Variants in CAPNS1 observed in about 807,000 individuals in gnomAD.
The protein encoded by CAPNS1 is calpain small subunit 1.
In CAPNS1, 32 loss-of-function variants were observed where a neutral mutation model predicts 39.2. The ratio of observed to expected loss-of-function variants is 0.82; its 90% CI spans 0.62 to 1.10. The LOEUF (loss-of-function observed/expected upper bound fraction) is 1.10. Among genes scored for constraint, CAPNS1 ranks in the 50% least tolerant of loss-of-function variants. CAPNS1 has a pLI of 0.00. For missense variants in CAPNS1, 353 were observed against 373.1 expected (o/e 0.95, Z 0.44); for synonymous variants, 153 against 136.2 (o/e 1.12, Z -0.86).
rs913193741 is a variant in CAPNS1 at position 36,141,160 on chromosome 19, G to T, written c.149G>T (p.Gly50Val). Residue 50 changes from glycine (G) to valine (V), a missense_variant, in exon 2 of 11, where the codon GGA (glycine) becomes GTA (valine). Transcript: ENST00000246533. Reference sequence around the variant, plus strand: ...GGCGGCGGCGGCGGCGGCGGTGGTGGAGGCGGCGGTGGCGGTGGAACGGCC... The same window carrying T: ...GGCGGCGGCGGCGGCGGCGGTGGTGTAGGCGGCGGTGGCGGTGGAACGGCC... ...GGGGGGGGGG[G>V]GGGGGGTAMR... 12 of 1,402,332 alleles carry T rather than the reference G, an allele frequency of 8.6e-6. No homozygotes were observed. Among genetic ancestry groups the T allele is most frequent in the African/African-American group, 1.5e-5 (1 of 65,648 alleles). 86.9% of individuals were successfully genotyped at this position (1,402,332 alleles called of 1,614,324 possible). A position where few individuals can be genotyped will look rare whatever the true frequency, so the allele number is the denominator to read the frequency against.
chr19:36,147,495 G>T, intron 9 of CAPNS1, among the ~76,000 whole-genome samples: 1 of 152,092 alleles, frequency 6.6e-6, no homozygotes, highest in East Asian at 1.9e-4. Flanking sequence ...GGCTGGGCAC[G>T]GTGGCTCACG....
At chr19:36,142,776 C>T (rs748144226) in intron 4 of CAPNS1, 35 bp downstream of exon 4, 9 of 1,595,580 alleles carry the variant, frequency 5.6e-6, no homozygotes, top group South Asian at 1.1e-5. Flanking sequence ...CCGTCCTAAC[C>T]GTTCCATCCC....
intron 9 of CAPNS1, among the ~76,000 whole-genome samples, chr19:36,146,755 G>A (rs1473099869): frequency 6.6e-6 from 1 of 152,218 alleles, no homozygotes; most frequent in Non-Finnish European, 1.5e-5. Context: ...TGAGAAGGTA[G>A]GGAATACTGT....
intron 9 of CAPNS1, among the ~76,000 whole-genome samples, chr19:36,149,022 G>C (rs1315118513): frequency 6.6e-6 from 1 of 152,156 alleles, no homozygotes; most frequent in South Asian, 2.1e-4. Context: ...CCTCCCTCTA[G>C]TAGCCTGTTA....
chr19:36,142,792 T>C, intron 4 of CAPNS1, 51 bp downstream of exon 4: 1 of 1,586,830 alleles, frequency 6.3e-7, no homozygotes, highest in African/African-American at 1.3e-5. Flanking sequence ...ATCCCTTCCC[T>C]TGTGGCTGCC....
At chr19:36,146,687 A>G (rs1044865417) in intron 9 of CAPNS1, among the ~76,000 whole-genome samples, 1 of 152,192 alleles carries the variant, frequency 6.6e-6, no homozygotes, top group Admixed American at 6.5e-5. Flanking sequence ...CCAAGGGGTC[A>G]GGGAGGGCTC....
intron 2 of CAPNS1, 54 bp downstream of exon 2, chr19:36,141,274 G>A: frequency 6.8e-7 from 1 of 1,480,462 alleles, no homozygotes; most frequent in Non-Finnish European, 8.9e-7. Flanking sequence ...GAGCCTCAGT[G>A]AGGCGTGGTC....
chr19:36,140,768 C>A, intron 1 of CAPNS1: 1 of 501,322 alleles, frequency 2.0e-6, no homozygotes, highest in Non-Finnish European at 3.4e-6. Context: ...ACGCGTGCAC[C>A]CAGTCCAGGC....
At chr19:36,144,648 T>C (rs752988804) in intron 6 of CAPNS1, among the ~76,000 whole-genome samples, 1 of 152,220 alleles carries the variant, frequency 6.6e-6, no homozygotes, top group Non-Finnish European at 1.5e-5. Context: ...CCTCCCAAAG[T>C]GTTGGGATTA....
In CAPNS1 at chr19:36,149,558, C is replaced by T; in HGVS notation, c.722-20C>T. The T allele has an allele frequency of 4.1e-6, 6 of 1,457,434 alleles. No homozygotes were observed. Among genetic ancestry groups the T allele is most frequent in the Non-Finnish European group, 5.4e-6 (6 of 1,101,458 alleles). The allele number at this position is 1,457,434 out of a possible 1,614,324, so 90.3% of individuals were successfully genotyped here. On this transcript the variant is annotated intron_variant, in intron 9 of 10. Coordinates refer to ENST00000246533, the MANE Select transcript of CAPNS1 (RefSeq NM_001749.4). ...TCTCCTTCCTTCCCTGCCGCCAAAC[C>T]TCTGCATCTCCTCCTCCAGGTGCCT...
At chr19:36,143,418 A>G (rs931344025) in intron 6 of CAPNS1, among the ~76,000 whole-genome samples, 3 of 152,044 alleles carry the variant, frequency 2.0e-5, no homozygotes, top group African/African-American at 7.2e-5. Context: ...TGAAAGAAGC[A>G]GTCATTTGTC....
chr19:36,146,150 G>T (rs750436543), intron 8 of CAPNS1, 46 bp from the exon 9 acceptor site: 1 of 1,579,136 alleles, frequency 6.3e-7, no homozygotes, highest in Non-Finnish European at 8.7e-7. Flanking sequence ...ATGGGAGTGG[G>T]TTGGGCCATG....
intron 1 of CAPNS1, 168 bp from the exon 2 acceptor site, chr19:36,140,829 A>G: frequency 1.0e-6 from 1 of 966,220 alleles, no homozygotes; most frequent in African/African-American, 1.7e-5. Flanking sequence ...TGCAAACCTG[A>G]TCCCCCATAC....
chr19:36,142,824 A>G lies in CAPNS1; in HGVS notation c.333+83A>G, dbSNP rs1974428264. On this transcript the variant is annotated intron_variant, in intron 4 of 10. Coordinates refer to ENST00000246533, the MANE Select transcript of CAPNS1 (RefSeq NM_001749.4). ...TGCCCTTGCACACACACCCTTGACC[A>G]TGACAATCCCAGTGTTCCCATTCTC... 4 of 1,587,920 alleles carry G rather than the reference A, an allele frequency of 2.5e-6. No individual in the cohort carries two copies. The African/African-American group carries it at 4.0e-5, about 16-fold the overall frequency.
Position 36,141,135 on chromosome 19 carries a change from G to T in CAPNS1, c.124G>T (p.Gly42Cys). ...LISGAGGGGGGGGGGGGGGGG... is the reference protein window; with the variant it reads ...LISGAGGGGGCGGGGGGGGGG... ...CAGCGGGGCCGGGGGCGGCGGCGGCGGCGGCGGCGGCGGCGGCGGTGGTGG... is the reference window on the plus strand; with the variant it reads ...CAGCGGGGCCGGGGGCGGCGGCGGCTGCGGCGGCGGCGGCGGCGGTGGTGG... Residue 42 changes from glycine (G) to cysteine (C), a missense_variant, in exon 2 of 11, where the codon GGC becomes TGC. Physicochemically the swap from Gly to Cys is radical, Grantham distance 159 (BLOSUM62 -3). Coordinates refer to ENST00000246533, the MANE Select transcript of CAPNS1 (RefSeq NM_001749.4). 7.2e-7 allele frequency: 1 copy of T among 1,384,994 alleles called. No individual in the cohort carries two copies. Among genetic ancestry groups the T allele is most frequent in the Non-Finnish European group, 9.3e-7 (1 of 1,073,170 alleles). The allele number at this position is 1,384,994 out of a possible 1,614,324, so 85.8% of individuals were successfully genotyped here. A position where few individuals can be genotyped will look rare whatever the true frequency, so the allele number is the denominator to read the frequency against.
rs1157609067 is a variant in CAPNS1 at position 36,142,751 on chromosome 19, C to G, written c.333+10C>G. The G allele has an allele frequency of 3.1e-6, 5 of 1,611,792 alleles. No individual in the cohort carries two copies. The highest frequency in any genetic ancestry group is 1.7e-5 in the Admixed American group (1 of 60,002). On this transcript the variant is annotated intron_variant, in intron 4 of 10. Coordinates refer to ENST00000246533, the MANE Select transcript of CAPNS1 (RefSeq NM_001749.4). ...CCAGCTGGCTGGAGATGTAAGTAAC[C>G]TGGGGTCCCTGGCCCCGTCCTAACC...
At chr19:36,149,133 G>T (rs1974681619) in intron 9 of CAPNS1, among the ~76,000 whole-genome samples, 2 of 152,220 alleles carry the variant, frequency 1.3e-5, no homozygotes, top group African/African-American at 2.4e-5. Context: ...GAGGGTAACA[G>T]ATTGGATTCC....
intron 6 of CAPNS1, 36 bp from the exon 7 acceptor site, chr19:36,145,770 G>A: frequency 6.3e-7 from 1 of 1,585,690 alleles, no homozygotes. Flanking sequence ...ATGCATCTGG[G>A]TGTAGCTGTC....
chr19:36,145,935 C>T, intron 7 of CAPNS1, 41 bp from the exon 8 acceptor site: 2 of 1,612,492 alleles, frequency 1.2e-6, no homozygotes, highest in Non-Finnish European at 1.7e-6. Flanking sequence ...GACACTATGC[C>T]CCACAATGCT....
Sources: allele counts gnomAD v4.1 joint callset (sites outside exome capture counted in the v4.1 genomes callset), GRCh38; gene constraint gnomAD v4.1.1; transcripts MANE v1.5; gene names NCBI Gene and HGNC (gene_info 2026-07-23, HGNC 2026-07-21).